Variants in ELAPOR1 observed in about 807,000 individuals in gnomAD.
ELAPOR1 encodes the protein endosome-lysosome associated apoptosis and autophagy regulator 1.
A neutral mutation model predicts 119.7 loss-of-function variants in ELAPOR1; 77 were observed. The observed-to-expected ratio is 0.64, with a 90% CI of 0.54 to 0.78. ELAPOR1 has a LOEUF of 0.78. Among genes scored for constraint, ELAPOR1 ranks in the 30% least tolerant of loss-of-function variants. The pLI, the probability that ELAPOR1 is intolerant of heterozygous loss-of-function variation, is 0.00. For missense variants in ELAPOR1, 1,115 were observed against 1,270.4 expected (o/e 0.88, Z 1.86); for synonymous variants, 481 against 487.2 (o/e 0.99, Z 0.17).
chr1:109,158,924 CT>C (rs920520599), intron 1 of ELAPOR1, among the ~76,000 whole-genome samples: 1 of 132,698 alleles, frequency 7.5e-6, no homozygotes, highest in African/African-American at 2.8e-5. Flanking sequence ...CGGAGTCTTG[CT>C]TTTTTTGCCC....
At chr1:109,162,808 AC>A (rs767171245) in intron 2 of ELAPOR1, among the ~76,000 whole-genome samples, 17 of 152,380 alleles carry the variant, frequency 1.1e-4, no homozygotes, top group Admixed American at 3.3e-4. Flanking sequence ...CTGAGGTGTG[AC>A]TAGTGGAAAC....
rs781308176 is a variant in ELAPOR1, at chr1:109,197,950, A to G, written c.2303-29A>G. The stretch of plus-strand genomic sequence containing the variant: ...TGGTTGCCAGCTAATGCTACTAGTG[A>G]GAACTAATTAGGAGCTCTAATTTGG... On this transcript the variant is annotated intron_variant, in intron 16 of 21. Coordinates refer to ENST00000369939, the MANE Select transcript of ELAPOR1 (RefSeq NM_020775.5). The G allele has an allele frequency of 1.9e-6, 3 of 1,580,518 alleles. No homozygotes were observed. In the Admixed American group the frequency reaches 5.0e-5, roughly 26 times the overall value.
Position 109,191,798 on chromosome 1 carries a change from A to C in ELAPOR1, c.1618A>C (p.Ile540Leu). 1 of 1,614,180 alleles carries C rather than the reference A, an allele frequency of 6.2e-7. No individual in the cohort carries two copies. Among genetic ancestry groups the C allele is most frequent in the Non-Finnish European group, 8.5e-7 (1 of 1,180,018 alleles). ...GSKGKQSYTY[I>L]IEENTTTSFT... ...CAAAGGCAAACAGTCCTATACCTAC[A>C]TCATTGAGGAGAACACTACCACGAG... The change falls in exon 13 of 22, where the codon ATC (isoleucine) becomes CTC (leucine). Residue 540 changes from isoleucine (I) to leucine (L), a missense_variant. Transcript: ENST00000369939.
Position 109,164,706 on chromosome 1 carries a change from A to G in ELAPOR1, c.467+15A>G, listed in dbSNP as rs770265987. On this transcript the variant is annotated intron_variant, in intron 3 of 21. Coordinates refer to ENST00000369939, the MANE Select transcript of ELAPOR1 (RefSeq NM_020775.5). ...AACTGTACTTCGTGAGTCTGCACACACCCCCACCCCACCCCCAGCCCACTG... is the reference window on the plus strand; with the variant it reads ...AACTGTACTTCGTGAGTCTGCACACGCCCCCACCCCACCCCCAGCCCACTG... 3 of 1,596,938 alleles carry G rather than the reference A, an allele frequency of 1.9e-6. No homozygotes were observed. The highest frequency in any genetic ancestry group is 2.6e-6 in the Non-Finnish European group (3 of 1,168,352).
intron 1 of ELAPOR1, among the ~76,000 whole-genome samples, chr1:109,115,549 G>A (rs1193245995): frequency 6.6e-6 from 1 of 152,150 alleles, no homozygotes; most frequent in Non-Finnish European, 1.5e-5. Flanking sequence ...AAAGTGCTGG[G>A]ATTATAAGAA....
intron 1 of ELAPOR1, among the ~76,000 whole-genome samples, chr1:109,148,999 C>T (rs570774776): frequency 2.6e-5 from 4 of 152,194 alleles, no homozygotes; most frequent in Non-Finnish European, 5.9e-5. Flanking sequence ...AGGGACTGGC[C>T]GCAGTTACAG....
At chr1:109,132,246 C>T (rs1287773984) in intron 1 of ELAPOR1, among the ~76,000 whole-genome samples, 2 of 152,032 alleles carry the variant, frequency 1.3e-5, no homozygotes, top group African/African-American at 4.8e-5. Context: ...CTCCTGGGCT[C>T]AAGCAATTCT....
intron 8 of ELAPOR1, among the ~76,000 whole-genome samples, chr1:109,186,099 G>C (rs1653028266): frequency 6.6e-6 from 1 of 152,020 alleles, no homozygotes; most frequent in Non-Finnish European, 1.5e-5. Context: ...AGGATTAGGA[G>C]AGAGAGAATG....
chr1:109,150,691 A>T (rs1322189837), intron 1 of ELAPOR1, among the ~76,000 whole-genome samples: 2 of 152,218 alleles, frequency 1.3e-5, no homozygotes, highest in Non-Finnish European at 2.9e-5. Flanking sequence ...ACTTAGAAGC[A>T]TGAACAAGAA....
chr1:109,187,717 A>G, intron 8 of ELAPOR1: 2 of 899,894 alleles, frequency 2.2e-6, no homozygotes, highest in Non-Finnish European at 2.7e-6. Flanking sequence ...ATAAAAGAGC[A>G]AAGAATGTAC....
chr1:109,122,132 C>T (rs1413603987), intron 1 of ELAPOR1, among the ~76,000 whole-genome samples: 1 of 148,468 alleles, frequency 6.7e-6, no homozygotes, highest in African/African-American at 2.5e-5. Flanking sequence ...TACAGCGGTG[C>T]AATCTCAGCT....
intron 1 of ELAPOR1, among the ~76,000 whole-genome samples, chr1:109,142,742 A>G (rs1249038517): frequency 1.3e-5 from 2 of 152,220 alleles, no homozygotes; most frequent in African/African-American, 2.4e-5. Flanking sequence ...ACAGTTTGGC[A>G]GTTCCTCAAA....
At chr1:109,144,061 A>ATTTTTTTTTTTTTTTTTTTTT (rs71069655) in intron 1 of ELAPOR1, among the ~76,000 whole-genome samples, 14 of 88,988 alleles carry the variant, frequency 1.6e-4, no homozygotes, top group African/African-American at 2.9e-4. Flanking sequence ...ATATTTATAT[A>ATTTTTTTTTTTTTTTTTTTTT]TTTTTTTTTT....
intron 1 of ELAPOR1, among the ~76,000 whole-genome samples, chr1:109,145,100 G>A (rs983373263): frequency 2.0e-5 from 3 of 152,030 alleles, no homozygotes; most frequent in African/African-American, 7.2e-5. Context: ...TGATTAGGCC[G>A]AGTGGATCTC....
intron 8 of ELAPOR1, chr1:109,187,946 G>A: frequency 7.8e-7 from 1 of 1,282,836 alleles, no homozygotes. Flanking sequence ...GCTATTCCTT[G>A]TCACCCAGGC....
intron 8 of ELAPOR1, among the ~76,000 whole-genome samples, chr1:109,186,359 T>C (rs1653045046): frequency 1.3e-5 from 2 of 152,266 alleles, no homozygotes; most frequent in Admixed American, 1.3e-4. Flanking sequence ...CTCAAGAGGA[T>C]AGAACTAGGA....
intron 3 of ELAPOR1, among the ~76,000 whole-genome samples, chr1:109,165,942 G>A (rs1651573828): frequency 6.6e-6 from 1 of 150,714 alleles, no homozygotes; most frequent in Non-Finnish European, 1.5e-5. Flanking sequence ...TTGAGATGGA[G>A]TCTCGCTCTG....
chr1:109,194,670 A>G, intron 15 of ELAPOR1, 76 bp downstream of exon 15: 4 of 1,394,994 alleles, frequency 2.9e-6, no homozygotes, highest in Non-Finnish European at 4.0e-6. Context: ...CAGACACAGG[A>G]GAAAACCAGA....
intron 1 of ELAPOR1, among the ~76,000 whole-genome samples, chr1:109,149,110 T>C (rs763649061): frequency 2.0e-5 from 3 of 152,110 alleles, no homozygotes; most frequent in Non-Finnish European, 2.9e-5. Context: ...TTGCTCCATA[T>C]GTATGAGAAG....
Sources: gnomAD v4.1 joint callset for allele counts (sites outside exome capture counted in the v4.1 genomes callset) on GRCh38, gnomAD v4.1.1 for gene constraint, MANE v1.5 for transcripts, NCBI Gene and HGNC (gene_info 2026-07-23, HGNC 2026-07-21) for gene names.